RNF150: variants seen among roughly 807,000 people sequenced by gnomAD.
RNF150 encodes ring finger protein 150.
In RNF150, 24 loss-of-function variants were observed where a neutral mutation model predicts 39.3. The observed-to-expected ratio is 0.61, with a 90% CI of 0.44 to 0.86. The LOEUF (loss-of-function observed/expected upper bound fraction) is 0.86, where lower values mean the gene tolerates loss of function less well. Among genes scored for constraint, RNF150 ranks in the 40% least tolerant of loss-of-function variants. The pLI is 0.00. For missense variants in RNF150, 502 were observed against 587.8 expected, an observed-to-expected ratio of 0.85 and a Z score of 1.51; for synonymous variants, 255 against 227.3, an observed-to-expected ratio of 1.12 and a Z score of -1.10.
At chr4:140,916,713 G>A (rs540008209) in intron 5 of RNF150, among the ~76,000 whole-genome samples, 12 of 152,270 alleles carry the variant, frequency 7.9e-5, no homozygotes, top group African/African-American at 2.6e-4. Context: ...TACTCCTCAA[G>A]AAGAGCAACT....
intron 1 of RNF150, among the ~76,000 whole-genome samples, chr4:141,064,279 C>T (rs1042277159): frequency 3.3e-5 from 5 of 152,150 alleles, no homozygotes; most frequent in African/African-American, 7.2e-5. Context: ...TCGTGGACTC[C>T]GTAAGAAAAC....
intron 1 of RNF150, among the ~76,000 whole-genome samples, chr4:141,155,967 T>C (rs1263667852): frequency 1.3e-5 from 2 of 150,104 alleles, no homozygotes; most frequent in Admixed American, 1.3e-4. Context: ...TAGGTGAGCC[T>C]GACCTTCCAT....
At chr4:141,007,165 C>T (rs1028395748) in intron 1 of RNF150, among the ~76,000 whole-genome samples, 1 of 152,188 alleles carries the variant, frequency 6.6e-6, no homozygotes, top group African/African-American at 2.4e-5. Flanking sequence ...AGATTCATAT[C>T]CACATACCAG....
At chr4:140,939,121 T>C (rs1731979199) in intron 4 of RNF150, among the ~76,000 whole-genome samples, 1 of 152,248 alleles carries the variant, frequency 6.6e-6, no homozygotes, top group Non-Finnish European at 1.5e-5. Flanking sequence ...TACTCAAATG[T>C]CATTAGAAAT....
At chr4:140,994,481 AACAC>A (rs61671585) in intron 1 of RNF150, among the ~76,000 whole-genome samples, 10 of 150,824 alleles carry the variant, frequency 6.6e-5, no homozygotes, top group Admixed American at 3.3e-4. Flanking sequence ...ACACACACAC[AACAC>A]ACACACACAC....
chr4:140,881,962 G>A (rs1729389106), intron 6 of RNF150, among the ~76,000 whole-genome samples: 2 of 152,050 alleles, frequency 1.3e-5, no homozygotes, highest in Admixed American at 1.3e-4. Flanking sequence ...TCATTTCACT[G>A]TGGTTGGAAA....
chr4:141,113,464 G>A (rs1379458990), intron 1 of RNF150, among the ~76,000 whole-genome samples: 1 of 151,952 alleles, frequency 6.6e-6, no homozygotes, highest in Non-Finnish European at 1.5e-5. Flanking sequence ...AACAAGAAGG[G>A]CTAACTATCC....
chr4:140,976,072 ATTGGT>A (rs1733653202), intron 1 of RNF150, among the ~76,000 whole-genome samples: 3 of 152,218 alleles, frequency 2.0e-5, no homozygotes, highest in Admixed American at 2.0e-4. Context: ...TCTTGCTTTG[ATTGGT>A]TCGGCTTTCC....
chr4:141,194,895 G>A (rs1038047323), intron 1 of RNF150, among the ~76,000 whole-genome samples: 9 of 151,974 alleles, frequency 5.9e-5, no homozygotes, highest in African/African-American at 2.2e-4. Context: ...GGATAATAGT[G>A]GTATCTACCT....
chr4:141,044,003 C>T (rs1017060472), intron 1 of RNF150, among the ~76,000 whole-genome samples: 11 of 152,084 alleles, frequency 7.2e-5, no homozygotes, highest in Admixed American at 1.3e-4. Context: ...CTCACAACAT[C>T]CTTGAATGGT....
rs142641567 is a variant in RNF150 at position 141,150,388 on chromosome 4, C to T, written c.-6+62406G>A. The stretch of plus-strand genomic sequence containing the variant: ...ACATCAGATTCCGATGGCTTCTCGC[C>T]GTCACCATCTACATTGCTTCCACCC... On this transcript the variant is annotated intron_variant, in intron 1 of 7. Coordinates refer to the RNF150 transcript ENST00000420921. 1.4e-3 allele frequency among the ~76,000 whole-genome samples: 215 copies of T among 152,306 alleles called. 1 individual carries two copies. The highest frequency in any genetic ancestry group is 4.7e-3 in the African/African-American group (194 of 41,558).
intron 1 of RNF150, among the ~76,000 whole-genome samples, chr4:141,009,210 C>T (rs926150557): frequency 2.6e-5 from 4 of 152,190 alleles, no homozygotes; most frequent in Admixed American, 6.5e-5. Flanking sequence ...CTTGTTAAGA[C>T]TAACATATGC....
chr4:140,880,764 G>C (rs1458655474), intron 6 of RNF150, among the ~76,000 whole-genome samples: 1 of 152,020 alleles, frequency 6.6e-6, no homozygotes, highest in Non-Finnish European at 1.5e-5. Flanking sequence ...AGTCATAACA[G>C]ATTGCATTTG....
chr4:141,015,221 C>T (rs897538712), intron 1 of RNF150, among the ~76,000 whole-genome samples: 1 of 151,990 alleles, frequency 6.6e-6, no homozygotes, highest in African/African-American at 2.4e-5. Context: ...ATTATAATTG[C>T]TTCATAATGT....
intron 1 of RNF150, among the ~76,000 whole-genome samples, chr4:141,177,054 GAAAA>G (rs5862514): frequency 9.0e-6 from 1 of 111,700 alleles, no homozygotes; most frequent in African/African-American, 3.3e-5. Flanking sequence ...TGTCTCCTAG[GAAAA>G]AAAAAAAAAA....
At chr4:141,061,064 C>G (rs113234720) in intron 1 of RNF150, among the ~76,000 whole-genome samples, 1 of 151,952 alleles carries the variant, frequency 6.6e-6, no homozygotes, top group Non-Finnish European at 1.5e-5. Flanking sequence ...GTGCAGCAAA[C>G]CACCATGGCA....
In RNF150 at chr4:140,982,515, C is replaced by CTT. The variant is rs35925074; in HGVS notation, c.485-14644_485-14643dup. Among the ~76,000 whole-genome samples the CTT allele has an allele frequency of 5.2e-3, 690 of 132,868 alleles. 11 individuals carry two copies. Among genetic ancestry groups the CTT allele is most frequent in the Non-Finnish European group, 8.1e-3 (510 of 62,934 alleles). 87.2% of individuals were successfully genotyped at this position (132,868 alleles called of 152,430 possible). A position where few individuals can be genotyped will look rare whatever the true frequency, so the allele number is the denominator to read the frequency against. ...GAATTAATGAAGTATGTAGCACAGA[C>CTT]TTTTTTTTTTTTTTTTTGGTGAGAA... is the stretch of plus-strand genomic sequence containing the variant. On this transcript the variant is annotated intron_variant, in intron 1 of 6. Transcript: ENST00000515673.
In RNF150 at chr4:140,867,570, C is replaced by G. The variant is rs1728758986; in HGVS notation, c.*691G>C. On this transcript the variant is annotated 3_prime_UTR_variant, in exon 7 of 7. Coordinates refer to ENST00000515673, the MANE Select transcript of RNF150 (RefSeq NM_020724.2). ...CAAGTGTGATGTGGCTTAAAATAACCAGCAGTGGCCTCAGCAGATTTAGGG... is the reference window on the plus strand; with the variant it reads ...CAAGTGTGATGTGGCTTAAAATAACGAGCAGTGGCCTCAGCAGATTTAGGG... The G allele has an allele frequency of 6.6e-6, 1 of 152,160 alleles. No individual in the cohort carries two copies. The highest frequency in any genetic ancestry group is 2.4e-5 in the African/African-American group (1 of 41,426). The allele number at this position is 152,160 out of a possible 1,614,324, so 9.4% of individuals were successfully genotyped here.
intron 5 of RNF150, among the ~76,000 whole-genome samples, chr4:140,914,878 C>A (rs1327466613): frequency 6.6e-6 from 1 of 152,202 alleles, no homozygotes; most frequent in Non-Finnish European, 1.5e-5. Context: ...AAAATAACAA[C>A]ATCCTCAGTT....
Sources: gnomAD v4.1 joint callset for allele counts (sites outside exome capture counted in the v4.1 genomes callset) on GRCh38, gnomAD v4.1.1 for gene constraint, MANE v1.5 for transcripts, NCBI Gene and HGNC (gene_info 2026-07-23, HGNC 2026-07-21) for gene names.